The following NYAP2 variants were observed in gnomAD, a reference collection of about 807,000 sequenced individuals.
NYAP2 encodes the protein neuronal tyrosine-phosphorylated phosphoinositide-3-kinase adaptor 2.
A neutral mutation model predicts 50.4 loss-of-function variants in NYAP2; 23 were observed. The ratio of observed to expected loss-of-function variants is 0.46; its 90% CI spans 0.33 to 0.65. The LOEUF (loss-of-function observed/expected upper bound fraction) is 0.65. Ranked by LOEUF, NYAP2 falls within the 30% of genes least tolerant of loss-of-function variation. The probability of loss-of-function intolerance (pLI) is 0.02; values close to 1 mark genes in which losing one functional copy is unlikely to be tolerated. For missense variants in NYAP2, 885 were observed against 861.0 expected, an observed-to-expected ratio of 1.03 and a Z score of -0.35; for synonymous variants, 394 against 365.2, an observed-to-expected ratio of 1.08 and a Z score of -0.90.
intron 3 of NYAP2, among the ~76,000 whole-genome samples, chr2:225,484,189 G>C (rs1220156749): frequency 6.6e-6 from 1 of 152,180 alleles, no homozygotes; most frequent in Admixed American, 6.5e-5. Flanking sequence ...AATGCCAACA[G>C]CAATTAAAGG....
intron 3 of NYAP2, among the ~76,000 whole-genome samples, chr2:225,436,189 C>A (rs1333055953): frequency 6.6e-6 from 1 of 152,102 alleles, no homozygotes; most frequent in East Asian, 1.9e-4. Flanking sequence ...TTCCTTTTGC[C>A]TATAAAATAA....
intron 3 of NYAP2, among the ~76,000 whole-genome samples, chr2:225,411,703 G>A (rs1170515373): frequency 6.6e-6 from 1 of 152,046 alleles, no homozygotes; most frequent in Non-Finnish European, 1.5e-5. Flanking sequence ...AGTGAGAGGG[G>A]AGAACCACAA....
chr2:225,420,736 G>T (rs1286944562), intron 3 of NYAP2, among the ~76,000 whole-genome samples: 1 of 148,526 alleles, frequency 6.7e-6, no homozygotes, highest in African/African-American at 2.5e-5. Flanking sequence ...TCAGCCTCTG[G>T]AGTAGCTCGG....
intron 6 of NYAP2, among the ~76,000 whole-genome samples, chr2:225,632,893 C>A (rs1398391734): frequency 6.6e-6 from 1 of 152,070 alleles, no homozygotes; most frequent in African/African-American, 2.4e-5. Flanking sequence ...TGACACAGAA[C>A]TATTGAACAC....
intron 5 of NYAP2, among the ~76,000 whole-genome samples, chr2:225,586,921 C>T (rs990109315): frequency 6.6e-6 from 1 of 152,200 alleles, no homozygotes; most frequent in Non-Finnish European, 1.5e-5. Flanking sequence ...GTTTAATTGA[C>T]TCACAGTTCC....
intron 3 of NYAP2, among the ~76,000 whole-genome samples, chr2:225,415,109 C>T (rs931884218): frequency 2.6e-5 from 4 of 152,064 alleles, no homozygotes; most frequent in Non-Finnish European, 5.9e-5. Flanking sequence ...TGTCTCTGTT[C>T]CCTGTGGATG....
At chr2:225,561,041 G>T (rs1368820567) in intron 4 of NYAP2, among the ~76,000 whole-genome samples, 3 of 150,268 alleles carry the variant, frequency 2.0e-5, no homozygotes, top group Non-Finnish European at 4.4e-5. Context: ...ATGCAGCCAT[G>T]CCTAAAAACA....
intron 4 of NYAP2, among the ~76,000 whole-genome samples, chr2:225,561,701 C>A (rs1316032268): frequency 2.0e-5 from 3 of 151,800 alleles, no homozygotes; most frequent in African/African-American, 7.3e-5. Flanking sequence ...TAGCTGGAGC[C>A]CAAGAGTAAC....
intron 4 of NYAP2, among the ~76,000 whole-genome samples, chr2:225,521,669 G>A (rs1208026718): frequency 5.3e-5 from 8 of 151,352 alleles, no homozygotes; most frequent in Admixed American, 1.3e-4. Context: ...TGCTGGATTC[G>A]GTTTGCCAGT....
intron 4 of NYAP2, among the ~76,000 whole-genome samples, chr2:225,514,011 C>G (rs1690881584): frequency 6.6e-6 from 1 of 152,070 alleles, no homozygotes; most frequent in Admixed American, 6.5e-5. Context: ...ATTTGATTAT[C>G]AAGGGGACAT....
intron 5 of NYAP2, among the ~76,000 whole-genome samples, chr2:225,621,185 T>A (rs1411171954): frequency 6.6e-6 from 1 of 151,798 alleles, no homozygotes; most frequent in Non-Finnish European, 1.5e-5. Context: ...TTTGAGGCTA[T>A]GACGTTTGGA....
intron 3 of NYAP2, among the ~76,000 whole-genome samples, chr2:225,468,324 C>A (rs1460833378): frequency 6.6e-6 from 1 of 152,044 alleles, no homozygotes; most frequent in Non-Finnish European, 1.5e-5. Flanking sequence ...GTTGATAAGC[C>A]CAGGAATGCC....
chr2:225,410,872 C>T (rs756737900), intron 3 of NYAP2, among the ~76,000 whole-genome samples: 7 of 152,060 alleles, frequency 4.6e-5, no homozygotes, highest in African/African-American at 1.2e-4. Context: ...TTTAGGTAGA[C>T]GGAGACACAG....
At chr2:225,520,188 G>A (rs1236843330) in intron 4 of NYAP2, among the ~76,000 whole-genome samples, 3 of 152,186 alleles carry the variant, frequency 2.0e-5, no homozygotes, top group East Asian at 3.8e-4. Context: ...TGTCAGATGA[G>A]TAGGTTGCAA....
intron 4 of NYAP2, among the ~76,000 whole-genome samples, chr2:225,536,928 G>C (rs545906388): frequency 6.6e-6 from 1 of 151,756 alleles, no homozygotes; most frequent in South Asian, 2.1e-4. Context: ...ACAAGTGCCC[G>C]CCACCACGCC....
intron 5 of NYAP2, among the ~76,000 whole-genome samples, chr2:225,597,333 A>G (rs968680725): frequency 1.3e-5 from 2 of 150,788 alleles, no homozygotes; most frequent in Admixed American, 1.3e-4. Context: ...AGTCCATTGT[A>G]TCATTCTTAT....
intron 3 of NYAP2, among the ~76,000 whole-genome samples, chr2:225,470,057 G>A (rs1689987896): frequency 6.6e-6 from 1 of 152,118 alleles, no homozygotes; most frequent in Non-Finnish European, 1.5e-5. Flanking sequence ...TAACAGGCCT[G>A]TTCTGGAGAT....
At chr2:225,537,413 T>A (rs1165402731) in intron 4 of NYAP2, among the ~76,000 whole-genome samples, 2 of 152,132 alleles carry the variant, frequency 1.3e-5, no homozygotes, top group Non-Finnish European at 2.9e-5. Context: ...GACTTACAGT[T>A]CCACATGGCT....
chr2:225,650,204 C>T (rs1183813577), intron 6 of NYAP2, among the ~76,000 whole-genome samples: 1 of 152,134 alleles, frequency 6.6e-6, no homozygotes, highest in Non-Finnish European at 1.5e-5. Context: ...TTGATGGAAA[C>T]TGAAGTTGGC....
Sources: gnomAD v4.1 joint callset for allele counts (sites outside exome capture counted in the v4.1 genomes callset) on GRCh38, gnomAD v4.1.1 for gene constraint, MANE v1.5 for transcripts, NCBI Gene and HGNC (gene_info 2026-07-23, HGNC 2026-07-21) for gene names.